CRACD: variants seen among roughly 807,000 people sequenced by gnomAD.
CRACD encodes the protein capping protein-inhibiting regulator of actin dynamics.
In CRACD, 56 loss-of-function variants were observed where a neutral mutation model predicts 106.8. The ratio of observed to expected loss-of-function variants is 0.52; its 90% confidence interval spans 0.42 to 0.66. The LOEUF (loss-of-function observed/expected upper bound fraction) is 0.66. Ranked by LOEUF, CRACD falls within the 30% of genes least tolerant of loss-of-function variation. The pLI is 0.00. For missense variants in CRACD, 1,730 were observed against 1,623.2 expected, an observed-to-expected ratio of 1.07 and a Z score of -1.13; for synonymous variants, 754 against 670.8, an observed-to-expected ratio of 1.12 and a Z score of -1.92.
rs116081041 is a variant in CRACD, at chr4:56,169,576, C to G, written c.-335-9708C>G. On this transcript the variant is annotated intron_variant, in intron 1 of 10. Transcript: ENST00000682029. Reference sequence around the variant, plus strand: ...GCAGTGGTGCTATCTTCGCTGATGGCACCTCTACCTCCTAGGCTCAAGCAA... The same window carrying G: ...GCAGTGGTGCTATCTTCGCTGATGGGACCTCTACCTCCTAGGCTCAAGCAA... 5.4e-3 allele frequency among the ~76,000 whole-genome samples: 826 copies of G among 152,194 alleles called. 4 individuals are homozygous for G. Among genetic ancestry groups the G allele is most frequent in the Middle Eastern group, 0.021 (6 of 292 alleles).
intron 2 of CRACD, among the ~76,000 whole-genome samples, chr4:56,182,346 G>A (rs1308254010): frequency 1.3e-5 from 2 of 151,858 alleles, no homozygotes; most frequent in Non-Finnish European, 2.9e-5. Flanking sequence ...CCCCAGCCTG[G>A]GTGACAGAGT....
rs1450966409 is a variant in CRACD at position 56,314,467 on chromosome 4, G to A, written c.965G>A (p.Arg322His). The A allele has an allele frequency of 3.3e-6, 5 of 1,533,810 alleles. No homozygotes were observed. The highest frequency in any genetic ancestry group is 4.4e-6 in the Non-Finnish European group (5 of 1,139,854). ...CTGGAGGCGGAGGAGGAGCGAAGGC[G>A]TCTGCAGGCCCAGGCCCAAGCGGAG... ...ERLEAEEERR[R>H]LQAQAQAEER... is the part of the protein sequence containing the mutation. The change falls in exon 8 of 11, where the codon CGT (arginine) becomes CAT (histidine). Residue 322 changes from arginine to histidine, a missense_variant. Arg to His is a conservative substitution (Grantham distance 29, BLOSUM62 0). Coordinates refer to ENST00000682029, the MANE Select transcript of CRACD (RefSeq NM_001393381.1). The surrounding 1 kb of genome is among the most constrained non-coding windows in gnomAD (Gnocchi z 4.4).
chr4:56,079,737 CT>C (rs1732960723), intron 1 of CRACD, among the ~76,000 whole-genome samples: 1 of 152,224 alleles, frequency 6.6e-6, no homozygotes, highest in Admixed American at 6.5e-5. Flanking sequence ...GCATGAGCCA[CT>C]GTGCCTGGCG....
intron 10 of CRACD, 106 bp downstream of exon 10, chr4:56,324,372 C>A: frequency 1.9e-6 from 2 of 1,052,090 alleles, no homozygotes; most frequent in South Asian, 1.9e-5. Flanking sequence ...TCAGGCATTT[C>A]AAAGCACAGG....
At chr4:56,131,987 T>A (rs1229531951) in intron 1 of CRACD, among the ~76,000 whole-genome samples, 6 of 152,202 alleles carry the variant, frequency 3.9e-5, no homozygotes, top group Non-Finnish European at 8.8e-5. Context: ...TTCTGTAACA[T>A]TCAACAACTT....
chr4:56,183,903 CA>C (rs2109442327), intron 2 of CRACD, among the ~76,000 whole-genome samples: 1 of 152,272 alleles, frequency 6.6e-6, no homozygotes, highest in African/African-American at 2.4e-5. Flanking sequence ...AGTTTCCTTT[CA>C]AGGTCCTTTT....
chr4:56,130,961 T>G (rs974779478), intron 1 of CRACD, among the ~76,000 whole-genome samples: 20 of 152,202 alleles, frequency 1.3e-4, no homozygotes, highest in Non-Finnish European at 5.9e-5. Flanking sequence ...CATTTCCTTA[T>G]ATGTAAAATG....
intron 1 of CRACD, among the ~76,000 whole-genome samples, chr4:56,063,305 G>C (rs1732345434): frequency 6.6e-6 from 1 of 151,998 alleles, no homozygotes; most frequent in Admixed American, 6.6e-5. Flanking sequence ...GTGACCTTCT[G>C]CCTCAGCCGC....
At chr4:56,168,786 A>G (rs1181128043) in intron 1 of CRACD, among the ~76,000 whole-genome samples, 2 of 151,920 alleles carry the variant, frequency 1.3e-5, no homozygotes, top group Non-Finnish European at 2.9e-5. Context: ...AATTGGAACC[A>G]TTCATTCCTT....
At chr4:56,251,173 G>C (rs957915181) in intron 2 of CRACD, among the ~76,000 whole-genome samples, 1 of 152,190 alleles carries the variant, frequency 6.6e-6, no homozygotes, top group Non-Finnish European at 1.5e-5. Context: ...GAGAGGAATA[G>C]AGTATGCCTT....
intron 2 of CRACD, among the ~76,000 whole-genome samples, chr4:56,193,388 G>A (rs1243679451): frequency 6.6e-6 from 1 of 152,084 alleles, no homozygotes; most frequent in Non-Finnish European, 1.5e-5. Flanking sequence ...ATCAAAGTTT[G>A]TTATCATAGC....
intron 1 of CRACD, among the ~76,000 whole-genome samples, chr4:56,073,335 AT>A (rs1732729081): frequency 6.6e-6 from 1 of 151,176 alleles, no homozygotes; most frequent in African/African-American, 2.5e-5. Flanking sequence ...GTGGTTTTTG[AT>A]TTGCATTTCT....
intron 2 of CRACD, among the ~76,000 whole-genome samples, chr4:56,242,433 A>T (rs550938707): frequency 6.6e-6 from 1 of 152,096 alleles, no homozygotes; most frequent in Non-Finnish European, 1.5e-5. Context: ...GCTCTTCCAA[A>T]TCCCCTACAT....
intron 3 of CRACD, among the ~76,000 whole-genome samples, chr4:56,283,469 T>A (rs1377696874): frequency 6.6e-6 from 1 of 152,164 alleles, no homozygotes; most frequent in African/African-American, 2.4e-5. Flanking sequence ...TAGGACATAG[T>A]GCCTGCTTCC....
rs750468594 is a variant in CRACD, at chr4:56,314,313, G to C, written c.811G>C (p.Glu271Gln). 4.6e-5 allele frequency: 71 copies of C among 1,552,114 alleles called. No individual in the cohort carries two copies. The highest frequency in any genetic ancestry group is 1.6e-4 in the Admixed American group (8 of 51,032). Residue 271 changes from glutamate to glutamine, a missense_variant, in exon 8 of 11, where the codon GAG (glutamate) becomes CAG (glutamine). Around this residue, in one of 5 missense-constraint regions of CRACD, gnomAD observed 1,620 missense variants for 1,481.6 expected, o/e 1.09. Transcript: ENST00000682029. This position sits in a 1 kb window ranked among gnomAD's most constrained non-coding sequence, Gnocchi z 4.4. ...WEENRRQELL[E>Q]EEGEGQEPPL... is the part of the protein sequence containing the mutation. ...AGAGAACAGAAGGCAGGAGCTCTTG[G>C]AGGAGGAGGGCGAGGGGCAGGAGCC...
intron 1 of CRACD, among the ~76,000 whole-genome samples, chr4:56,071,972 C>CA (rs1318458820): frequency 6.6e-6 from 1 of 151,166 alleles, no homozygotes; most frequent in Non-Finnish European, 1.5e-5. Context: ...CTAAAAAATA[C>CA]AAAAAATTAG....
intron 3 of CRACD, chr4:56,297,701 T>C (rs533351719): frequency 1.3e-5 from 2 of 152,474 alleles, no homozygotes; most frequent in East Asian, 3.8e-4. Context: ...TCTCCCATTT[T>C]CCCGAAATTG....
intron 1 of CRACD, among the ~76,000 whole-genome samples, chr4:56,074,933 A>G (rs1732785984): frequency 6.6e-6 from 1 of 152,190 alleles, no homozygotes; most frequent in Non-Finnish European, 1.5e-5. Flanking sequence ...TTCTGCATCA[A>G]TGGAGACAAT....
intron 1 of CRACD, among the ~76,000 whole-genome samples, chr4:56,155,288 C>G (rs1197053408): frequency 9.9e-5 from 15 of 152,262 alleles, no homozygotes; most frequent in Admixed American, 4.6e-4. Flanking sequence ...TCTGCTTTGA[C>G]ATTGCGTATT....
Sources: allele counts gnomAD v4.1 joint callset (sites outside exome capture counted in the v4.1 genomes callset), GRCh38; gene constraint gnomAD v4.1.1; regional missense constraint gnomAD v4.1.1; non-coding constraint Gnocchi (gnomAD v3.1); transcripts MANE v1.5; gene names NCBI Gene and HGNC (gene_info 2026-07-23, HGNC 2026-07-21).